The following RARB variants were observed in gnomAD, a reference collection of about 807,000 sequenced individuals.
RARB encodes HBV-activated protein.
In RARB, 17 loss-of-function variants were observed where a neutral mutation model predicts 51.9. The observed-to-expected ratio is 0.33, with a 90% CI of 0.22 to 0.49. The LOEUF is 0.49. Among genes scored for constraint, RARB ranks in the 20% least tolerant of loss-of-function variants. The pLI is 0.99. For synonymous variants in RARB, 215 were observed against 195.4 expected (o/e 1.10, Z -0.84); for missense variants, 369 against 550.8 (o/e 0.67, Z 3.30).
chr3:25,387,377 C>G (rs1207627006), intron 5 of RARB, among the ~76,000 whole-genome samples: 1 of 152,116 alleles, frequency 6.6e-6, no homozygotes, highest in African/African-American at 2.4e-5. Flanking sequence ...CCAGATCACC[C>G]TCTTTCCTAC....
At chr3:24,984,328 CTCAT>C (rs1418883820) in intron 2 of RARB, among the ~76,000 whole-genome samples, 2 of 152,160 alleles carry the variant, frequency 1.3e-5, no homozygotes, top group African/African-American at 2.4e-5. Context: ...TGTTTGCTCA[CTCAT>C]TCATTCAAGT....
chr3:24,841,834 AATT>A (rs1702424990), intron 1 of RARB, among the ~76,000 whole-genome samples: 1 of 152,204 alleles, frequency 6.6e-6, no homozygotes, highest in African/African-American at 2.4e-5. Flanking sequence ...ACATTTTAGA[AATT>A]ATTATTTTAC....
intron 5 of RARB, among the ~76,000 whole-genome samples, chr3:25,262,132 T>A (rs1257252452): frequency 1.3e-5 from 2 of 152,174 alleles, no homozygotes; most frequent in Non-Finnish European, 2.9e-5. Flanking sequence ...GTCTATGCAG[T>A]CTCATTTTTA....
chr3:25,016,248 T>C (rs1697505332), intron 2 of RARB, among the ~76,000 whole-genome samples: 1 of 152,184 alleles, frequency 6.6e-6, no homozygotes, highest in South Asian at 2.1e-4. Flanking sequence ...GGGATTAAGA[T>C]ACTATACTAA....
At chr3:25,118,476 A>G (rs576877217) in intron 3 of RARB, among the ~76,000 whole-genome samples, 1 of 152,166 alleles carries the variant, frequency 6.6e-6, no homozygotes, top group Non-Finnish European at 1.5e-5. Context: ...AAAAGGAAAG[A>G]CCACTTTGTC....
At chr3:25,207,045 A>G (rs1222779754) in intron 5 of RARB, among the ~76,000 whole-genome samples, 1 of 152,224 alleles carries the variant, frequency 6.6e-6, no homozygotes, top group African/African-American at 2.4e-5. Flanking sequence ...ATTGATTCTT[A>G]GAATCACAGA....
chr3:25,196,218 C>A (rs1281786310), intron 5 of RARB, among the ~76,000 whole-genome samples: 2 of 151,950 alleles, frequency 1.3e-5, no homozygotes, highest in Non-Finnish European at 2.9e-5. Flanking sequence ...TACCCCTCCC[C>A]CATCCCCTCA....
intron 1 of RARB, among the ~76,000 whole-genome samples, chr3:25,452,839 G>T (rs1273611842): frequency 6.6e-6 from 1 of 152,144 alleles, no homozygotes; most frequent in African/African-American, 2.4e-5. Flanking sequence ...ACTTTGCATG[G>T]TCCCTAACAC....
intron 5 of RARB, among the ~76,000 whole-genome samples, chr3:25,264,964 G>T (rs763045001): frequency 2.6e-5 from 4 of 152,120 alleles, no homozygotes; most frequent in Non-Finnish European, 5.9e-5. Context: ...CCTTTGGGAG[G>T]TACTTATGTC....
intron 2 of RARB, among the ~76,000 whole-genome samples, chr3:24,968,224 C>G (rs571511185): frequency 6.6e-6 from 1 of 152,250 alleles, no homozygotes; most frequent in African/African-American, 2.4e-5. Context: ...CCATCTGCCA[C>G]ATTGTCCAAA....
intron 2 of RARB, among the ~76,000 whole-genome samples, chr3:24,953,732 A>T (rs889682455): frequency 6.6e-6 from 1 of 152,124 alleles, no homozygotes; most frequent in African/African-American, 2.4e-5. Flanking sequence ...TCAAATCAAA[A>T]ATAGAACTCT....
At chr3:25,043,014 G>T (rs1239093769) in intron 2 of RARB, among the ~76,000 whole-genome samples, 1 of 152,216 alleles carries the variant, frequency 6.6e-6, no homozygotes, top group Non-Finnish European at 1.5e-5. Flanking sequence ...CATAAGAGCA[G>T]TTTTGTGAAT....
intron 1 of RARB, among the ~76,000 whole-genome samples, chr3:25,456,417 A>G (rs1694905817): frequency 6.6e-6 from 1 of 152,284 alleles, no homozygotes; most frequent in East Asian, 1.9e-4. Context: ...CTACCTTACC[A>G]AAAAGGCAAG....
At chr3:25,575,801 C>T (rs1165957637) in intron 4 of RARB, among the ~76,000 whole-genome samples, 2 of 152,156 alleles carry the variant, frequency 1.3e-5, no homozygotes, top group Non-Finnish European at 1.5e-5. Context: ...CTGACATACT[C>T]GGGCTAGGAT....
chr3:25,415,064 A>C (rs1325076670), intron 5 of RARB, among the ~76,000 whole-genome samples: 2 of 151,666 alleles, frequency 1.3e-5, no homozygotes, highest in African/African-American at 4.8e-5. Context: ...CTTGTCTCGA[A>C]CTCCCGACCT....
chr3:25,280,517 G>C (rs1290588200), intron 5 of RARB, among the ~76,000 whole-genome samples: 1 of 152,160 alleles, frequency 6.6e-6, no homozygotes, highest in Non-Finnish European at 1.5e-5. Context: ...GCTTAGAAAT[G>C]TTGGAAAGGT....
At chr3:25,460,344 A>G (rs1318517661) in intron 1 of RARB, among the ~76,000 whole-genome samples, 8 of 152,200 alleles carry the variant, frequency 5.3e-5, no homozygotes, top group Admixed American at 5.2e-4. Flanking sequence ...TTATGGCTGC[A>G]TCATGCTAAA....
At position 24,860,934 on chromosome 3, in the gene RARB, C is replaced by A. The variant is rs74965101; in HGVS notation, c.-380+2182C>A. Among the ~76,000 whole-genome samples the A allele has an allele frequency of 1.2e-3, 188 of 152,260 alleles. 2 individuals carry two copies. The East Asian group carries it at 0.03, about 25-fold the overall frequency. On this transcript the variant is annotated intron_variant, in intron 2 of 11. Transcript: ENST00000383772. ...AGGTTTGTTTGCTAGGAGCAATAGA[C>A]TATACCATGTAGCCTAGGTTCGTAT...
At chr3:25,018,784 C>G (rs530317410) in intron 2 of RARB, among the ~76,000 whole-genome samples, 1 of 152,196 alleles carries the variant, frequency 6.6e-6, no homozygotes, top group African/African-American at 2.4e-5. Flanking sequence ...TTGTATCATT[C>G]CATCCAGCTC....
Sources: gnomAD v4.1 joint callset for allele counts (sites outside exome capture counted in the v4.1 genomes callset) on GRCh38, gnomAD v4.1.1 for gene constraint, MANE v1.5 for transcripts, NCBI Gene and HGNC (gene_info 2026-07-23, HGNC 2026-07-21) for gene names.